The following PITPNM3 variants were observed in gnomAD, a reference collection of about 807,000 sequenced individuals.
PITPNM3 encodes PITPNM family member 3.
Under a neutral mutation model 102.0 loss-of-function variants are expected in PITPNM3, and 26 were observed. The ratio of observed to expected loss-of-function variants is 0.25; its 90% CI spans 0.19 to 0.35. The LOEUF (loss-of-function observed/expected upper bound fraction) is 0.35, where lower values mean the gene tolerates loss of function less well. PITPNM3 is among the 10% of genes least tolerant of loss of function. PITPNM3 has a pLI of 1.00. For missense variants in PITPNM3, 1,083 were observed against 1,346.1 expected, an observed-to-expected ratio of 0.80 and a Z score of 3.06; for synonymous variants, 578 against 558.6, an observed-to-expected ratio of 1.03 and a Z score of -0.49.
chr17:6,486,239 C>T (rs968688708), intron 4 of PITPNM3, among the ~76,000 whole-genome samples: 30 of 152,202 alleles, frequency 2.0e-4, no homozygotes, highest in Non-Finnish European at 4.0e-4. Context: ...GCTGAACCAC[C>T]TGTTTGTCTT....
chr17:6,528,983 G>T (rs1190842264), intron 2 of PITPNM3, among the ~76,000 whole-genome samples: 1 of 152,102 alleles, frequency 6.6e-6, no homozygotes, highest in East Asian at 1.9e-4. Flanking sequence ...TTGTATAAAC[G>T]CCCTGGTTGA....
intron 4 of PITPNM3, among the ~76,000 whole-genome samples, chr17:6,492,721 G>C (rs1474525809): frequency 6.6e-6 from 1 of 152,076 alleles, no homozygotes; most frequent in Admixed American, 6.5e-5. Context: ...GTTGGGCATG[G>C]TGGCGGGTGC....
intron 3 of PITPNM3, among the ~76,000 whole-genome samples, chr17:6,507,680 C>T (rs950824793): frequency 1.1e-4 from 16 of 152,196 alleles, no homozygotes; most frequent in Non-Finnish European, 2.1e-4. Context: ...GGAGCACTGG[C>T]CCTGAGCCCT....
At chr17:6,527,817 T>A (rs1215415935) in intron 2 of PITPNM3, among the ~76,000 whole-genome samples, 2 of 152,206 alleles carry the variant, frequency 1.3e-5, no homozygotes, top group African/African-American at 4.8e-5. Flanking sequence ...GAGCCAGGTA[T>A]GCAGCAGGCA....
chr17:6,525,700 A>G (rs1230126774), intron 2 of PITPNM3, among the ~76,000 whole-genome samples: 1 of 152,232 alleles, frequency 6.6e-6, no homozygotes, highest in Non-Finnish European at 1.5e-5. Flanking sequence ...AAAGAAAGTA[A>G]CAAAAAGCCT....
chr17:6,548,054 C>T (rs1910118920), intron 1 of PITPNM3, among the ~76,000 whole-genome samples: 1 of 152,168 alleles, frequency 6.6e-6, no homozygotes, highest in African/African-American at 2.4e-5. Context: ...ACCACCACCT[C>T]AATGAAACGA....
In PITPNM3 at chr17:6,478,506, G is replaced by A. The variant is rs1351760116; in HGVS notation, c.777+41C>T. ...CAGCCTCTCTCCCAGGCCGGGGCCG[G>A]AACAGGGGAGGGGAGAGGAGGAGAG... On this transcript the variant is annotated intron_variant, in intron 7 of 19. Coordinates refer to ENST00000262483, the MANE Select transcript of PITPNM3 (RefSeq NM_031220.4). This position sits in a 1 kb window ranked among gnomAD's most constrained non-coding sequence, Gnocchi z 4.4. 6.2e-7 allele frequency: 1 copy of A among 1,608,786 alleles called. No homozygotes were observed. Among genetic ancestry groups the A allele is most frequent in the Non-Finnish European group, 8.5e-7 (1 of 1,175,772 alleles).
chr17:6,519,724 G>A (rs979974664), intron 3 of PITPNM3, among the ~76,000 whole-genome samples: 6 of 151,944 alleles, frequency 3.9e-5, no homozygotes, highest in African/African-American at 1.5e-4. Context: ...TGGCTATTCG[G>A]GAGGCTGAGG....
At position 6,478,836 on chromosome 17, in the gene PITPNM3, T is replaced by C. The variant is rs1361930528; in HGVS notation, c.588-100A>G. The C allele has an allele frequency of 1.0e-5, 13 of 1,265,058 alleles. No individual in the cohort carries two copies. The highest frequency in any genetic ancestry group is 1.5e-5 in the South Asian group (1 of 68,276). 78.4% of individuals were successfully genotyped at this position (1,265,058 alleles called of 1,614,324 possible). Reference sequence around the variant, plus strand: ...GAAGAGAGCACATACTGGCCAGGAATTGGGCTCCAGGGACCCTTCAGGAAG... The same window carrying C: ...GAAGAGAGCACATACTGGCCAGGAACTGGGCTCCAGGGACCCTTCAGGAAG... On this transcript the variant is annotated intron_variant, in intron 6 of 19. Transcript: ENST00000262483. This position sits in a 1 kb window ranked among gnomAD's most constrained non-coding sequence, Gnocchi z 4.4.
Position 6,471,278 on chromosome 17 carries a change from C to G in PITPNM3, c.1507G>C (p.Ala503Pro). The change falls in exon 12 of 20, where the codon GCC (alanine) becomes CCC (proline). Residue 503 changes from alanine to proline, a missense_variant. Around this residue, in one of 5 missense-constraint regions of PITPNM3, gnomAD observed 410 missense variants for 638.4 expected, o/e 0.64. Coordinates refer to ENST00000262483, the MANE Select transcript of PITPNM3 (RefSeq NM_031220.4). ...RDSPPLLDAP[A>P]SPPQASRFQR... ...AACCTCGAGGCCTGAGGGGGCGAGGCAGGGGCATCCAGAAGTGGCGGGCTG... is the reference window on the plus strand; with the variant it reads ...AACCTCGAGGCCTGAGGGGGCGAGGGAGGGGCATCCAGAAGTGGCGGGCTG... The G allele has an allele frequency of 6.2e-7, 1 of 1,613,132 alleles. No individual in the cohort carries two copies. The highest frequency in any genetic ancestry group is 2.2e-5 in the East Asian group (1 of 44,872).
intron 6 of PITPNM3, 138 bp downstream of exon 6, chr17:6,483,377 TTG>T (rs1450954565): frequency 1.2e-6 from 1 of 843,596 alleles, no homozygotes; most frequent in Non-Finnish European, 2.0e-6. Flanking sequence ...CCAGGGATGC[TTG>T]TGTTTCGTCA....
Position 6,478,805 on chromosome 17 carries a change from C to A in PITPNM3, c.588-69G>T. ...GGTTGGCAGGTTTGGGGCTGAGGAT[C>A]AGGCAGAAGAGAGCACATACTGGCC... On this transcript the variant is annotated intron_variant, in intron 6 of 19. Transcript: ENST00000262483. This position sits in a 1 kb window ranked among gnomAD's most constrained non-coding sequence, Gnocchi z 4.4. 1 of 1,458,366 alleles carries A rather than the reference C, an allele frequency of 6.9e-7. No individual in the cohort carries two copies. Among genetic ancestry groups the A allele is most frequent in the South Asian group, 1.3e-5 (1 of 76,286 alleles). The allele number at this position is 1,458,366 out of a possible 1,614,324, so 90.3% of individuals were successfully genotyped here.
At chr17:6,536,692 G>A (rs982338453) in intron 2 of PITPNM3, among the ~76,000 whole-genome samples, 3 of 152,218 alleles carry the variant, frequency 2.0e-5, no homozygotes, top group Admixed American at 6.5e-5. Flanking sequence ...AGAACTAGTC[G>A]ATGGCATGGC....
At chr17:6,546,217 C>T (rs1185749933) in intron 1 of PITPNM3, among the ~76,000 whole-genome samples, 3 of 152,226 alleles carry the variant, frequency 2.0e-5, no homozygotes, top group African/African-American at 4.8e-5. Context: ...TCCCAAACTG[C>T]TATATGTGCC....
chr17:6,471,129 T>G (rs768701958), intron 12 of PITPNM3, 32 bp downstream of exon 12: 1 of 1,610,184 alleles, frequency 6.2e-7, no homozygotes, highest in African/African-American at 1.3e-5. Context: ...CTCCCCCGAA[T>G]CCAGGCAGGG....
At chr17:6,544,654 T>TCTCTCTCACACACACACA (rs376230474) in intron 1 of PITPNM3, among the ~76,000 whole-genome samples, 17 of 130,270 alleles carry the variant, frequency 1.3e-4, no homozygotes, top group African/African-American at 5.2e-4. Flanking sequence ...TCTCTCTCTC[T>TCTCTCTCACACACACACA]CACACACACA....
intron 9 of PITPNM3, among the ~76,000 whole-genome samples, chr17:6,476,038 G>T (rs1337841430): frequency 6.6e-6 from 1 of 152,162 alleles, no homozygotes; most frequent in Non-Finnish European, 1.5e-5. Context: ...ATTGGAAACA[G>T]CCAAAATGCC....
At chr17:6,495,867 G>T (rs1381504693) in intron 4 of PITPNM3, among the ~76,000 whole-genome samples, 1 of 152,230 alleles carries the variant, frequency 6.6e-6, no homozygotes, top group Non-Finnish European at 1.5e-5. Flanking sequence ...CCACGTGGAA[G>T]TAAGTAGACT....
Position 6,452,392 on chromosome 17 carries a change from C to G in PITPNM3, c.*2946G>C, listed in dbSNP as rs188230362. Reference sequence around the variant, plus strand: ...CGGATCGGGAAGAACAAACATGCCACGCAAGAAACAAGGAGCTTTGGTCAG... The same window carrying G: ...CGGATCGGGAAGAACAAACATGCCAGGCAAGAAACAAGGAGCTTTGGTCAG... On this transcript the variant is annotated 3_prime_UTR_variant, in exon 20 of 20. Transcript: ENST00000262483. 6.6e-6 allele frequency: 1 copy of G among 152,244 alleles called. No homozygotes were observed. The highest frequency in any genetic ancestry group is 1.9e-4 in the East Asian group (1 of 5,162). The allele number at this position is 152,244 out of a possible 1,614,324, so 9.4% of individuals were successfully genotyped here.
Sources: gnomAD v4.1 joint callset for allele counts (sites outside exome capture counted in the v4.1 genomes callset) on GRCh38, gnomAD v4.1.1 for gene constraint, gnomAD v4.1.1 regional missense constraint, Gnocchi (gnomAD v3.1) non-coding constraint, MANE v1.5 for transcripts, NCBI Gene and HGNC (gene_info 2026-07-23, HGNC 2026-07-21) for gene names.